Variants in CFAP52 observed in about 807,000 individuals in gnomAD.
CFAP52 encodes cilia- and flagella-associated protein 52.
Under a neutral mutation model 70.5 loss-of-function variants are expected in CFAP52, and 57 were observed. The observed-to-expected ratio is 0.81, with a 90% CI of 0.65 to 1.01. The LOEUF is 1.01. CFAP52 is among the 50% of genes least tolerant of loss of function. The pLI is 0.00. For synonymous variants in CFAP52, 267 were observed against 292.5 expected (o/e 0.91, Z 0.89); for missense variants, 785 against 788.5 (o/e 1.00, Z 0.05).
intron 1 of CFAP52, among the ~76,000 whole-genome samples, chr17:9,577,814 G>A (rs1483597042): frequency 6.6e-6 from 1 of 152,190 alleles, no homozygotes; most frequent in South Asian, 2.1e-4. Context: ...AACTGAGGCC[G>A]GGGGCAGTGG....
Position 9,643,139 on chromosome 17 carries a change from A to G in CFAP52, c.1804A>G (p.Ile602Val). The change falls in exon 14 of 14, where the codon ATT (isoleucine) becomes GTT (valine). Residue 602 changes from isoleucine (I) to valine (V), a missense_variant. Ile to Val is a conservative substitution (Grantham distance 29). Coordinates refer to ENST00000352665, the MANE Select transcript of CFAP52 (RefSeq NM_145054.5). ...RIRISPGNQY[I>V]VSVSADGAIL... ...CCGCATAAGTCCAGGAAATCAATATATTGTTAGTGTAAGTGCCGATGGAGC... is the reference window on the plus strand; with the variant it reads ...CCGCATAAGTCCAGGAAATCAATATGTTGTTAGTGTAAGTGCCGATGGAGC... 6.2e-7 allele frequency: 1 copy of G among 1,613,544 alleles called. No individual in the cohort carries two copies. The highest frequency in any genetic ancestry group is 8.5e-7 in the Non-Finnish European group (1 of 1,179,796).
intron 8 of CFAP52, 50 bp downstream of exon 8, chr17:9,612,529 G>A: frequency 6.4e-7 from 1 of 1,552,882 alleles, no homozygotes; most frequent in South Asian, 1.2e-5. Context: ...CAGTGTGCCA[G>A]GGCATTTAAT....
chr17:9,584,746 C>G (rs571246196), intron 1 of CFAP52, among the ~76,000 whole-genome samples: 3 of 151,966 alleles, frequency 2.0e-5, no homozygotes, highest in Non-Finnish European at 4.4e-5. Context: ...CTCAGCCTCC[C>G]GAGTAGCTGG....
At chr17:9,629,837 G>GC (rs1567634273) in intron 9 of CFAP52, among the ~76,000 whole-genome samples, 2 of 151,804 alleles carry the variant, frequency 1.3e-5, no homozygotes, top group Admixed American at 1.3e-4. Context: ...CAATCCACCC[G>GC]CCTCGGCCTC....
rs569015866 is a variant in CFAP52, at chr17:9,643,030, T to G, written c.1695T>G (p.Asn565Lys). 6.3e-7 allele frequency: 1 copy of G among 1,599,378 alleles called. No homozygotes were observed. Among genetic ancestry groups the G allele is most frequent in the South Asian group, 1.1e-5 (1 of 87,408 alleles). Residue 565 changes from asparagine (N) to lysine (K), a missense_variant, in exon 14 of 14, where the codon AAT (asparagine) becomes AAG (lysine). Asn to Lys is a moderately conservative substitution (Grantham distance 94, BLOSUM62 0). Coordinates refer to ENST00000352665, the MANE Select transcript of CFAP52 (RefSeq NM_145054.5). ...QEGVHFVTGG[N>K]DHLVKVWDYN... ...CGTGTTTATCTTTTTCAGGTGGAAA[T>G]GACCATCTGGTCAAAGTTTGGGATT...
chr17:9,606,371 C>A lies in CFAP52; in HGVS notation c.754-1748C>A, dbSNP rs561646166. On this transcript the variant is annotated intron_variant, in intron 6 of 13. Coordinates refer to ENST00000352665, the MANE Select transcript of CFAP52 (RefSeq NM_145054.5). Reference sequence around the variant, plus strand: ...GCACTCCAGCCTGGGTGGCAGAGACCCTGTCTCCAAAATACACACACACAC... The same window carrying A: ...GCACTCCAGCCTGGGTGGCAGAGACACTGTCTCCAAAATACACACACACAC... 4.1e-5 allele frequency among the ~76,000 whole-genome samples: 4 copies of A among 98,082 alleles called. No homozygotes were observed. The South Asian group carries it at 1.7e-3, about 42-fold the overall frequency. 64.3% of individuals were successfully genotyped at this position (98,082 alleles called of 152,430 possible). A position where few individuals can be genotyped will look rare whatever the true frequency, so the allele number is the denominator to read the frequency against.
chr17:9,596,354 G>C (rs892208646), intron 4 of CFAP52, among the ~76,000 whole-genome samples: 1 of 151,770 alleles, frequency 6.6e-6, no homozygotes, highest in African/African-American at 2.4e-5. Context: ...ACCTGCCTCG[G>C]CCTCCCAAAG....
At chr17:9,627,262 C>T (rs907198688) in intron 8 of CFAP52, among the ~76,000 whole-genome samples, 8 of 152,106 alleles carry the variant, frequency 5.3e-5, no homozygotes, top group African/African-American at 1.9e-4. Flanking sequence ...GTAATCCCAG[C>T]ACTTTGGGAG....
chr17:9,612,850 T>G (rs1241484509), intron 8 of CFAP52, among the ~76,000 whole-genome samples: 1 of 152,194 alleles, frequency 6.6e-6, no homozygotes, highest in Non-Finnish European at 1.5e-5. Context: ...CAGTAGAAAC[T>G]ATATTTCAAG....
At chr17:9,590,965 C>T (rs1908721934) in intron 3 of CFAP52, among the ~76,000 whole-genome samples, 1 of 147,490 alleles carries the variant, frequency 6.8e-6, no homozygotes, top group Non-Finnish European at 1.5e-5. Flanking sequence ...CTAGCTTCTA[C>T]ACAGAGGAAA....
intron 4 of CFAP52, among the ~76,000 whole-genome samples, chr17:9,596,059 G>GTGTATATATATA (rs1555541607): frequency 1.2e-5 from 1 of 85,206 alleles, no homozygotes; most frequent in African/African-American, 4.5e-5. Context: ...ATATGTGTGT[G>GTGTATATATATA]TATATATATA....
At chr17:9,605,108 GC>G (rs1909432642) in intron 6 of CFAP52, among the ~76,000 whole-genome samples, 1 of 152,170 alleles carries the variant, frequency 6.6e-6, no homozygotes, top group Non-Finnish European at 1.5e-5. Context: ...ACCCAAAGGA[GC>G]TGAAAACTTA....
At chr17:9,614,347 G>A (rs1909827479) in intron 8 of CFAP52, among the ~76,000 whole-genome samples, 1 of 151,942 alleles carries the variant, frequency 6.6e-6, no homozygotes, top group African/African-American at 2.4e-5. Context: ...GTAGAGATGG[G>A]ATTTCACTAT....
At chr17:9,598,895 G>T in intron 5 of CFAP52, among the ~76,000 whole-genome samples, 1 of 152,022 alleles carries the variant, frequency 6.6e-6, no homozygotes, top group East Asian at 1.9e-4. Flanking sequence ...CCGAAAGCCT[G>T]CCTCACCTGG....
intron 8 of CFAP52, among the ~76,000 whole-genome samples, chr17:9,614,564 T>G (rs1226357599): frequency 1.3e-5 from 2 of 152,230 alleles, no homozygotes; most frequent in Non-Finnish European, 2.9e-5. Flanking sequence ...TGCTATAATG[T>G]AATAAATGAA....
chr17:9,585,727 C>T (rs769377252), intron 1 of CFAP52, 46 bp from the exon 2 acceptor site: 9 of 1,590,174 alleles, frequency 5.7e-6, no homozygotes, highest in Non-Finnish European at 7.8e-6. Context: ...AAATTCCTGG[C>T]CACTTCTGCA....
In CFAP52 at chr17:9,586,757, C is replaced by G; in HGVS notation, c.330C>G (p.His110Gln). ...NRELLARLSL[H>Q]KGKIEALAFS... ...AGCTGCTTGCTCGGCTGTCCCTTCA[C>G]AAAGGCAAAATTGAAGCTCTGGCCT... The change falls in exon 3 of 14, where the codon CAC (histidine) becomes CAG (glutamine). Residue 110 changes from histidine to glutamine, a missense_variant. By Grantham distance (24) the His-to-Gln change is conservative. Transcript: ENST00000352665. 1.2e-6 allele frequency: 2 copies of G among 1,613,900 alleles called. No individual in the cohort carries two copies. The highest frequency in any genetic ancestry group is 2.2e-5 in the East Asian group (1 of 44,870).
intron 8 of CFAP52, among the ~76,000 whole-genome samples, chr17:9,612,989 G>C (rs1486225856): frequency 6.6e-6 from 1 of 152,144 alleles, no homozygotes; most frequent in Non-Finnish European, 1.5e-5. Context: ...TAATGGAAGT[G>C]TTCTGGGTAT....
downstream of CFAP52, chr17:9,644,687 G>T (rs889639399): frequency 2.0e-5 from 3 of 152,112 alleles, no homozygotes; most frequent in African/African-American, 7.2e-5. Context: ...GTGCGTTAAG[G>T]AGTGAACCAG....
Sources: gnomAD v4.1 joint callset for allele counts (sites outside exome capture counted in the v4.1 genomes callset) on GRCh38, gnomAD v4.1.1 for gene constraint, MANE v1.5 for transcripts, NCBI Gene and HGNC (gene_info 2026-07-23, HGNC 2026-07-21) for gene names.